Variants in DNAJB1 observed in about 807,000 individuals in gnomAD.
DNAJB1 encodes DnaJ heat shock protein family (Hsp40) member B1.
DNAJB1 carries 14 observed loss-of-function variants against 24.0 expected under a neutral mutation model. The ratio of observed to expected loss-of-function variants is 0.58; its 90% CI spans 0.39 to 0.91. The LOEUF is 0.91. DNAJB1 is among the 40% of genes least tolerant of loss of function. DNAJB1 has a pLI of 0.00. For synonymous variants in DNAJB1, 262 were observed against 174.4 expected (o/e 1.50, Z -3.96); for missense variants, 517 against 458.1 (o/e 1.13, Z -1.17).
chr19:14,529,204 G>T (rs950228770), intron 1 of DNAJB1: 1 of 239,104 alleles, frequency 4.2e-6, no homozygotes, highest in South Asian at 4.5e-5. Flanking sequence ...CCCGGGGGCC[G>T]CCCACCTCAG....
At chr19:14,522,487 GAA>G (rs60019206), upstream of DNAJB1, among the ~76,000 whole-genome samples, 4 of 59,248 alleles carry the variant, frequency 6.8e-5, no homozygotes, top group East Asian at 1.4e-3. Flanking sequence ...CTGTCTCGAA[GAA>G]AAAAAAAAAA....
At chr19:14,560,005 G>GA (rs1383622061) in intron 1 of DNAJB1, among the ~76,000 whole-genome samples, 1 of 152,068 alleles carries the variant, frequency 6.6e-6, no homozygotes, top group Non-Finnish European at 1.5e-5. Flanking sequence ...GGGGCCCCTA[G>GA]GTGCTGCCTT....
intron 2 of DNAJB1, among the ~76,000 whole-genome samples, chr19:14,524,681 A>C (rs1035054751): frequency 2.6e-5 from 4 of 151,454 alleles, no homozygotes; most frequent in African/African-American, 9.7e-5. Context: ...CCCCATCTCT[A>C]TTAAAAATGC....
chr19:14,539,271 G>A (rs2073016391), intron 1 of DNAJB1, among the ~76,000 whole-genome samples: 1 of 150,942 alleles, frequency 6.6e-6, no homozygotes, highest in Admixed American at 6.7e-5. Context: ...TGGGATTACA[G>A]GCGTGAGCCA....
upstream of DNAJB1, chr19:14,529,932 A>G (rs1480079068): frequency 4.6e-6 from 3 of 655,010 alleles, no homozygotes; most frequent in South Asian, 1.9e-5. Flanking sequence ...TTTTGGGGGT[A>G]CTTTTTCTTG....
At chr19:14,517,983 C>T in intron 1 of DNAJB1, 156 bp downstream of exon 1, 2 of 788,542 alleles carry the variant, frequency 2.5e-6, no homozygotes, top group Non-Finnish European at 3.6e-6. Context: ...GCGCGGCCGC[C>T]AATCCGAGGG....
intron 2 of DNAJB1, among the ~76,000 whole-genome samples, chr19:14,526,089 C>T (rs1249093435): frequency 6.6e-6 from 1 of 152,222 alleles, no homozygotes; most frequent in East Asian, 1.9e-4. Context: ...CATCACATCT[C>T]TGGCATTCAA....
chr19:14,522,683 G>GACAGACAC, upstream of DNAJB1, among the ~76,000 whole-genome samples: 1 of 117,870 alleles, frequency 8.5e-6, no homozygotes, highest in East Asian at 2.3e-4. Flanking sequence ...CACACACACA[G>GACAGACAC]ACACACACAC....
rs145643600 is a variant in DNAJB1, at chr19:14,546,193, A to G, written c.-214+4015T>C. Among the ~76,000 whole-genome samples the G allele has an allele frequency of 4.6e-5, 7 of 152,208 alleles. No individual in the cohort carries two copies. The East Asian group carries it at 1.4e-3, about 29-fold the overall frequency. The stretch of plus-strand genomic sequence containing the variant: ...GCGCTGGGGGCTACTCAGCTGGGAA[A>G]TCATTACAGACATTTCCGATCATAG... On this transcript the variant is annotated intron_variant, in intron 1 of 3. Coordinates refer to the DNAJB1 transcript ENST00000676982.
intron 1 of DNAJB1, among the ~76,000 whole-genome samples, chr19:14,548,832 C>T (rs1182079106): frequency 6.6e-6 from 1 of 152,068 alleles, no homozygotes; most frequent in African/African-American, 2.4e-5. Context: ...ACTTTGGCCT[C>T]CCAAAGTGCT....
At position 14,544,673 on chromosome 19, in the gene DNAJB1, G is replaced by A. The variant is rs1244605291; in HGVS notation, c.-214+5535C>T. ...TTTTGAGACAGGGTCTCACTCTGTC[G>A]CCCATGCTGGAGTGCAGTGGCACGA... On this transcript the variant is annotated intron_variant, in intron 1 of 3. Coordinates refer to the DNAJB1 transcript ENST00000676982. 5.5e-5 allele frequency among the ~76,000 whole-genome samples: 8 copies of A among 145,018 alleles called. No homozygotes were observed. In the East Asian group the frequency reaches 6.0e-4, roughly 11 times the overall value.
intron 1 of DNAJB1, among the ~76,000 whole-genome samples, chr19:14,549,211 CTTTTTTT>C (rs561284094): frequency 9.0e-6 from 1 of 111,162 alleles, no homozygotes; most frequent in East Asian, 2.3e-4. Context: ...TTTAATTGGA[CTTTTTTT>C]TTTTTTTTTT....
At chr19:14,554,590 G>A (rs1200205944), upstream of DNAJB1, among the ~76,000 whole-genome samples, 2 of 152,198 alleles carry the variant, frequency 1.3e-5, no homozygotes, top group Non-Finnish European at 2.9e-5. Context: ...ATGGCTGTGT[G>A]TGCCAGGCCT....
At chr19:14,550,478 C>T (rs1416595681), upstream of DNAJB1, among the ~76,000 whole-genome samples, 3 of 152,116 alleles carry the variant, frequency 2.0e-5, no homozygotes, top group South Asian at 2.1e-4. Flanking sequence ...CTCTGGCCCC[C>T]TTCCAGCTTC....
At chr19:14,551,410 A>G (rs1326027240), upstream of DNAJB1, among the ~76,000 whole-genome samples, 2 of 152,028 alleles carry the variant, frequency 1.3e-5, no homozygotes, top group Non-Finnish European at 2.9e-5. Context: ...GAGTTTTGAC[A>G]TGTTGCACAG....
At chr19:14,557,552 A>G (rs1013307264) in intron 1 of DNAJB1, among the ~76,000 whole-genome samples, 3 of 144,186 alleles carry the variant, frequency 2.1e-5, no homozygotes, top group African/African-American at 7.9e-5. Flanking sequence ...CCTGGGTTCA[A>G]GCAATTCTCC....
intron 1 of DNAJB1, among the ~76,000 whole-genome samples, chr19:14,542,380 A>G (rs1254628435): frequency 8.6e-4 from 34 of 39,344 alleles, no homozygotes; most frequent in African/African-American, 1.9e-3. Flanking sequence ...TTTTTTTCTG[A>G]GATGGAGTTT....
chr19:14,535,905 G>C (rs1271584386), intron 1 of DNAJB1, among the ~76,000 whole-genome samples: 1 of 151,944 alleles, frequency 6.6e-6, no homozygotes, highest in Non-Finnish European at 1.5e-5. Context: ...CAGGCTTCTT[G>C]CTTTGAGCAG....
intron 1 of DNAJB1, among the ~76,000 whole-genome samples, chr19:14,543,387 GAA>G: frequency 2.8e-5 from 1 of 35,710 alleles, no homozygotes; most frequent in Non-Finnish European, 5.6e-5. Flanking sequence ...TTGTTTCAGA[GAA>G]TATATATATA....
Sources: allele counts gnomAD v4.1 joint callset (sites outside exome capture counted in the v4.1 genomes callset), GRCh38; gene constraint gnomAD v4.1.1; transcripts MANE v1.5; gene names NCBI Gene and HGNC (gene_info 2026-07-23, HGNC 2026-07-21).